Variants in PSME3IP1 observed in about 807,000 individuals in gnomAD.
PSME3IP1 encodes the protein proteasome activator subunit 3 interacting protein 1, also known as PSME3-interacting protein.
Under a neutral mutation model 34.1 loss-of-function variants are expected in PSME3IP1, and 13 were observed. That is an observed-to-expected ratio of 0.38 (90% CI 0.25 to 0.61). The LOEUF (loss-of-function observed/expected upper bound fraction) is 0.61. Among genes scored for constraint, PSME3IP1 ranks in the 20% least tolerant of loss-of-function variants. PSME3IP1 has a pLI of 0.60. For synonymous variants in PSME3IP1, 93 were observed against 114.3 expected, an observed-to-expected ratio of 0.81 and a Z score of 1.19; for missense variants, 237 against 301.4, an observed-to-expected ratio of 0.79 and a Z score of 1.58.
rs2072620209 is a variant in PSME3IP1 at position 57,171,799 on chromosome 16, AAAAGGCAACACTGATCTAGAGC to A, written c.348+430_348+451del. Among the ~76,000 whole-genome samples, 4 of 152,364 alleles carry A rather than the reference AAAAGGCAACACTGATCTAGAGC, an allele frequency of 2.6e-5. No homozygotes were observed. The East Asian group carries it at 5.8e-4, about 22-fold the overall frequency. On this transcript the variant is annotated intron_variant, in intron 4 of 6. Transcript: ENST00000309137. Reference sequence around the variant, plus strand: ...TATGAAGACATTCAAGTGGATGACCAAAAGGCAACACTGATCTAGAGCAAAGTCATCTTTGCTGCTTTCTCAG... The same window carrying A: ...TATGAAGACATTCAAGTGGATGACCAAAAGTCATCTTTGCTGCTTTCTCAG...
chr16:57,173,036 C>T (rs1431571373), intron 2 of PSME3IP1, among the ~76,000 whole-genome samples, 162 bp from the exon 3 acceptor site: 1 of 152,232 alleles, frequency 6.6e-6, no homozygotes, highest in Non-Finnish European at 1.5e-5. Context: ...AGTCCAGTTT[C>T]CCTTTGGACC....
chr16:57,173,908 G>A, intron 1 of PSME3IP1, 39 bp from the exon 2 acceptor site: 2 of 1,582,722 alleles, frequency 1.3e-6, no homozygotes, highest in Non-Finnish European at 1.7e-6. Context: ...ATCATTTCAA[G>A]TGAGAACTGC....
At chr16:57,184,172 A>T (rs1286293849) in intron 1 of PSME3IP1, among the ~76,000 whole-genome samples, 3 of 152,198 alleles carry the variant, frequency 2.0e-5, no homozygotes, top group Non-Finnish European at 2.9e-5. Flanking sequence ...AGAATAAATT[A>T]TCCAGAATGT....
At chr16:57,183,233 C>T (rs1213248834) in intron 1 of PSME3IP1, among the ~76,000 whole-genome samples, 1 of 152,140 alleles carries the variant, frequency 6.6e-6, no homozygotes, top group Non-Finnish European at 1.5e-5. Flanking sequence ...TTTCACATTC[C>T]AAATTTCAGA....
rs1435559772 is a variant in PSME3IP1, at chr16:57,154,402, T to A, written c.653A>T (p.Tyr218Phe). The change falls in exon 7 of 7, where the codon TAC (tyrosine) becomes TTC (phenylalanine). Residue 218 changes from tyrosine (Y) to phenylalanine (F), a missense_variant. Tyr to Phe is a conservative substitution (Grantham distance 22). Transcript: ENST00000309137. This position sits in a 1 kb window ranked among gnomAD's most constrained non-coding sequence, Gnocchi z 4.0. ...CIGILPGLGAYSGSSDSESSS... is the reference protein window; with the variant it reads ...CIGILPGLGAFSGSSDSESSS... ...GGACTCGGAGTCGCTGCTCCCAGAG[T>A]AGGCACCCAGGCCTGGGAGGATGCC... The A allele has an allele frequency of 5.6e-6, 9 of 1,613,436 alleles. No homozygotes were observed. Among genetic ancestry groups the A allele is most frequent in the Non-Finnish European group, 6.8e-6 (8 of 1,179,882 alleles).
chr16:57,158,681 G>T (rs1421023327), intron 6 of PSME3IP1, among the ~76,000 whole-genome samples: 1 of 152,178 alleles, frequency 6.6e-6, no homozygotes, highest in Non-Finnish European at 1.5e-5. Context: ...GTTGAATGAG[G>T]TATTTCATTT....
In PSME3IP1 at chr16:57,153,931, C is replaced by T. The variant is rs2070202942; in HGVS notation, c.*359G>A. 4 of 245,040 alleles carry T rather than the reference C, an allele frequency of 1.6e-5. No individual in the cohort carries two copies. The highest frequency in any genetic ancestry group is 5.9e-5 in the South Asian group (1 of 16,862). The allele number at this position is 245,040 out of a possible 1,614,324, so 15.2% of individuals were successfully genotyped here. A position where few individuals can be genotyped will look rare whatever the true frequency, so the allele number is the denominator to read the frequency against. On this transcript the variant is annotated 3_prime_UTR_variant, in exon 7 of 7. Coordinates refer to ENST00000309137, the MANE Select transcript of PSME3IP1 (RefSeq NM_024946.4). ...AACTGCCCTTACTTCTTTGTGCTGT[C>T]GGGAAAAGAAAAAACAGAAAGCAAT... is the stretch of plus-strand genomic sequence containing the variant.
Position 57,182,800 on chromosome 16 carries a change from C to T in PSME3IP1, c.-16+3021G>A, listed in dbSNP as rs111353193. Among the ~76,000 whole-genome samples, 542 of 152,108 alleles carry T rather than the reference C, an allele frequency of 3.6e-3. 4 individuals carry two copies. Among genetic ancestry groups the T allele is most frequent in the African/African-American group, 0.013 (530 of 41,492 alleles). ...TAGCACATGCCTGTAATCCCAGCTA[C>T]TCGGGAGGCTGAGGAAGGAGAGTTG... On this transcript the variant is annotated intron_variant, in intron 1 of 6. Coordinates refer to ENST00000309137, the MANE Select transcript of PSME3IP1 (RefSeq NM_024946.4).
intron 5 of PSME3IP1, among the ~76,000 whole-genome samples, 158 bp downstream of exon 5, chr16:57,166,935 A>G (rs1393816204): frequency 1.3e-5 from 2 of 152,242 alleles, no homozygotes; most frequent in African/African-American, 4.8e-5. Context: ...CAAAGCCTAT[A>G]GAAGGCCTCA....
At chr16:57,163,058 G>A (rs1313559629) in intron 6 of PSME3IP1, among the ~76,000 whole-genome samples, 1 of 152,124 alleles carries the variant, frequency 6.6e-6, no homozygotes, top group Non-Finnish European at 1.5e-5. Flanking sequence ...CCAAATACTC[G>A]GGAGGGTGAG....
Position 57,170,081 on chromosome 16 carries a change from C to CTT in PSME3IP1, c.348+2168_348+2169dup, listed in dbSNP as rs869047118. ...TGTCCATGTCTTCTCCCATACAACG[C>CTT]TTTTTTTTTTTTTTTTTTTTAAGAT... On this transcript the variant is annotated intron_variant, in intron 4 of 6. Transcript: ENST00000309137. Among the ~76,000 whole-genome samples the CTT allele has an allele frequency of 2.3e-3, 293 of 125,908 alleles. 4 individuals are homozygous for CTT. Among genetic ancestry groups the CTT allele is most frequent in the African/African-American group, 8.1e-3 (271 of 33,286 alleles). The allele number at this position is 125,908 out of a possible 152,430, so 82.6% of individuals were successfully genotyped here. A position where few individuals can be genotyped will look rare whatever the true frequency, so the allele number is the denominator to read the frequency against.
Position 57,154,648 on chromosome 16 carries a change from A to T in PSME3IP1, c.548-141T>A. 1 of 652,340 alleles carries T rather than the reference A, an allele frequency of 1.5e-6. No individual in the cohort carries two copies. The highest frequency in any genetic ancestry group is 2.5e-6 in the Non-Finnish European group (1 of 405,130). The allele number at this position is 652,340 out of a possible 1,614,324, so 40.4% of individuals were successfully genotyped here. ...ATGCTATGCAGCCAATACTATCATC[A>T]CCCTCGTTTTAGAGATGGGGAAACT... On this transcript the variant is annotated intron_variant, in intron 6 of 6. Coordinates refer to ENST00000309137, the MANE Select transcript of PSME3IP1 (RefSeq NM_024946.4). The surrounding 1 kb of genome is among the most constrained non-coding windows in gnomAD (Gnocchi z 4.0).
intron 1 of PSME3IP1, among the ~76,000 whole-genome samples, chr16:57,180,172 T>C (rs1171823874): frequency 1.3e-5 from 2 of 152,238 alleles, no homozygotes; most frequent in Non-Finnish European, 2.9e-5. Flanking sequence ...AAAAGAAATT[T>C]AATCCATATT....
chr16:57,158,545 A>G (rs1205776230), intron 6 of PSME3IP1, among the ~76,000 whole-genome samples: 1 of 152,200 alleles, frequency 6.6e-6, no homozygotes. Flanking sequence ...CCGGGATCGC[A>G]CCACCCCACT....
intron 1 of PSME3IP1, among the ~76,000 whole-genome samples, chr16:57,179,986 T>C (rs1257967447): frequency 4.6e-5 from 7 of 152,240 alleles, no homozygotes; most frequent in Admixed American, 3.3e-4. Context: ...TTTTTAAAAA[T>C]TTAGCTGACT....
chr16:57,154,342 C>A lies in PSME3IP1; in HGVS notation c.713G>T (p.Gly238Val). 1 of 1,614,050 alleles carries A rather than the reference C, an allele frequency of 6.2e-7. No individual in the cohort carries two copies. The highest frequency in any genetic ancestry group is 1.7e-5 in the Admixed American group (1 of 60,004). The change falls in exon 7 of 7, where the codon GGA becomes GTA. Residue 238 changes from glycine to valine, a missense_variant. Coordinates refer to ENST00000309137, the MANE Select transcript of PSME3IP1 (RefSeq NM_024946.4). The surrounding 1 kb of genome is among the most constrained non-coding windows in gnomAD (Gnocchi z 4.0). ...TCGGAAGATGGAGGAGACAATCTTT[C>A]CGGTGGCATTGATGGTGCCTTCGCT... Reference protein sequence around the residue: ...SDSEGTINATGKIVSSIFRTN... With the variant: ...SDSEGTINATVKIVSSIFRTN...
At chr16:57,168,958 TG>T (rs1469553254) in intron 4 of PSME3IP1, among the ~76,000 whole-genome samples, 31 of 149,898 alleles carry the variant, frequency 2.1e-4, no homozygotes, top group Admixed American at 2.7e-4. Flanking sequence ...AAAACAAAAA[TG>T]GAAAAAAAAC....
At chr16:57,182,446 C>CA (rs11379337) in intron 1 of PSME3IP1, among the ~76,000 whole-genome samples, 108,922 of 131,870 alleles carry the variant, frequency 0.83, 45,199 homozygotes, top group Non-Finnish European at 0.88. Context: ...CAAAATAAAA[C>CA]AAAAAAACGC....
Position 57,176,812 on chromosome 16 carries a change from A to T in PSME3IP1, c.-15-2943T>A, listed in dbSNP as rs1343493342. ...ATAAATACTAGGATACGGCAATGCC[A>T]TTGGTGTCCCAGTAAATGTCTCTCT... On this transcript the variant is annotated intron_variant, in intron 1 of 6. Coordinates refer to ENST00000309137, the MANE Select transcript of PSME3IP1 (RefSeq NM_024946.4). Among the ~76,000 whole-genome samples the T allele has an allele frequency of 3.3e-5, 5 of 152,164 alleles. No homozygotes were observed. In the South Asian group the frequency reaches 6.2e-4, roughly 19 times the overall value.
Sources: gnomAD v4.1 joint callset for allele counts (sites outside exome capture counted in the v4.1 genomes callset) on GRCh38, gnomAD v4.1.1 for gene constraint, Gnocchi (gnomAD v3.1) non-coding constraint, MANE v1.5 for transcripts, NCBI Gene and HGNC (gene_info 2026-07-23, HGNC 2026-07-21) for gene names.